The following ADAMTSL1 variants were observed in gnomAD, a reference collection of about 807,000 sequenced individuals.
ADAMTSL1 encodes the protein ADAMTS like 1, also known as ADAMTS-like protein 1.
Under a neutral mutation model 201.8 loss-of-function variants are expected in ADAMTSL1, and 126 were observed. The ratio of observed to expected loss-of-function variants is 0.62; its 90% confidence interval spans 0.54 to 0.72. ADAMTSL1 has a LOEUF of 0.72. ADAMTSL1 is among the 30% of genes least tolerant of loss of function. The pLI is 0.00. For missense variants in ADAMTSL1, 2,679 were observed against 2,277.8 expected (o/e 1.18, Z -3.59); for synonymous variants, 1,121 against 903.4 (o/e 1.24, Z -4.32).
chr9:18,149,107 AGAGTAGC>A (rs1826788261), intron 1 of ADAMTSL1, among the ~76,000 whole-genome samples: 1 of 152,068 alleles, frequency 6.6e-6, no homozygotes, highest in South Asian at 2.1e-4. Flanking sequence ...CAAACTTTGG[AGAGTAGC>A]TCCTCTGAGC....
intron 8 of ADAMTSL1, among the ~76,000 whole-genome samples, chr9:18,660,850 G>A (rs908869005): frequency 5.9e-5 from 9 of 151,830 alleles, no homozygotes; most frequent in African/African-American, 1.7e-4. Context: ...ATTTCTGTGG[G>A]TGGTCTGAGA....
chr9:18,405,637 A>G (rs1818161107), intron 2 of ADAMTSL1, among the ~76,000 whole-genome samples: 1 of 129,214 alleles, frequency 7.7e-6, no homozygotes, highest in East Asian at 2.0e-4. Context: ...AGAAGAATGA[A>G]AAAAAAAAAA....
chr9:18,112,665 G>A (rs555015482), intron 1 of ADAMTSL1, among the ~76,000 whole-genome samples: 1 of 152,178 alleles, frequency 6.6e-6, no homozygotes, highest in East Asian at 1.9e-4. Flanking sequence ...ACAGAAGTGT[G>A]CATACATAGT....
intron 1 of ADAMTSL1, among the ~76,000 whole-genome samples, chr9:18,015,159 A>C (rs2131566868): frequency 6.6e-6 from 1 of 152,052 alleles, no homozygotes; most frequent in East Asian, 1.9e-4. Flanking sequence ...ACTGGGAGAA[A>C]GGAAGCAGCA....
intron 4 of ADAMTSL1, among the ~76,000 whole-genome samples, chr9:18,615,523 G>A (rs1317967903): frequency 6.6e-6 from 1 of 152,084 alleles, no homozygotes; most frequent in African/African-American, 2.4e-5. Context: ...ATATTGTATA[G>A]TATGCCTTTT....
intron 20 of ADAMTSL1, 105 bp downstream of exon 20, chr9:18,795,629 T>A: frequency 1.6e-6 from 2 of 1,244,040 alleles, no homozygotes; most frequent in Admixed American, 2.7e-5. Context: ...GAGACCCAGA[T>A]CCCATCTTCA....
At chr9:18,848,121 T>G (rs770869025) in intron 23 of ADAMTSL1, among the ~76,000 whole-genome samples, 1 of 152,180 alleles carries the variant, frequency 6.6e-6, no homozygotes, top group Non-Finnish European at 1.5e-5. Context: ...TCTGTCTGCC[T>G]GGCCCTGAGC....
At chr9:18,234,323 T>C (rs549000256) in intron 2 of ADAMTSL1, among the ~76,000 whole-genome samples, 2 of 152,286 alleles carry the variant, frequency 1.3e-5, no homozygotes, top group Admixed American at 6.5e-5. Flanking sequence ...TTTTGAAATA[T>C]CTGGGAGAAA....
chr9:18,236,366 G>A (rs766272031), intron 2 of ADAMTSL1, among the ~76,000 whole-genome samples: 15 of 152,176 alleles, frequency 9.9e-5, no homozygotes, highest in African/African-American at 3.4e-4. Flanking sequence ...GAGCCACCAC[G>A]CATGGCCTGT....
chr9:18,232,017 G>C (rs1414364474), intron 2 of ADAMTSL1, among the ~76,000 whole-genome samples: 2 of 152,160 alleles, frequency 1.3e-5, no homozygotes, highest in African/African-American at 2.4e-5. Context: ...GAGTGTAACA[G>C]AGAGATGTCA....
chr9:18,006,731 T>C (rs1456944989), intron 1 of ADAMTSL1, among the ~76,000 whole-genome samples: 1 of 152,018 alleles, frequency 6.6e-6, no homozygotes, highest in Non-Finnish European at 1.5e-5. Context: ...TGTGTTCTAA[T>C]GACCAGAAGC....
intron 20 of ADAMTSL1, among the ~76,000 whole-genome samples, chr9:18,797,003 G>A (rs920841671): frequency 1.3e-5 from 2 of 152,264 alleles, no homozygotes; most frequent in African/African-American, 2.4e-5. Flanking sequence ...AATTTAATAC[G>A]ATTAATAGAA....
At position 18,695,772 on chromosome 9, in the gene ADAMTSL1, A is replaced by G. The variant is rs142343055; in HGVS notation, c.1574+10972A>G. The stretch of plus-strand genomic sequence containing the variant: ...TACCCAGTTCCAAAGTCATTTCCAC[A>G]TTTTCAGCTATCTTTATAGCAATGC... On this transcript the variant is annotated intron_variant, in intron 13 of 28. Coordinates refer to ENST00000380548, the MANE Select transcript of ADAMTSL1 (RefSeq NM_001040272.6). Among the ~76,000 whole-genome samples, 510 of 152,170 alleles carry G rather than the reference A, an allele frequency of 3.4e-3. 1 individual carries two copies. Among genetic ancestry groups the G allele is most frequent in the Non-Finnish European group, 5.3e-3 (360 of 68,002 alleles).
At chr9:18,425,771 G>A (rs1819186106) in intron 2 of ADAMTSL1, among the ~76,000 whole-genome samples, 2 of 148,278 alleles carry the variant, frequency 1.3e-5, no homozygotes, top group African/African-American at 5.1e-5. Flanking sequence ...TGGGAGAAGA[G>A]CTTGAGCCCA....
At chr9:18,662,099 G>A (rs1829132065) in intron 9 of ADAMTSL1, 26 bp downstream of exon 9, 2 of 1,601,856 alleles carry the variant, frequency 1.2e-6, no homozygotes, top group Admixed American at 1.8e-5. Context: ...TAGTTCATTT[G>A]TCATAAACAT....
chr9:18,896,829 C>T (rs1474764042), intron 26 of ADAMTSL1, among the ~76,000 whole-genome samples: 1 of 152,160 alleles, frequency 6.6e-6, no homozygotes, highest in Non-Finnish European at 1.5e-5. Flanking sequence ...CACACAGAGA[C>T]CCAGGAGTCT....
intron 2 of ADAMTSL1, among the ~76,000 whole-genome samples, chr9:18,394,322 A>T (rs1814837440): frequency 1.3e-5 from 2 of 152,220 alleles, no homozygotes; most frequent in African/African-American, 4.8e-5. Context: ...TAGATGCCTA[A>T]TTCCAATAAC....
Position 18,909,730 on chromosome 9 carries a change from G to A in ADAMTSL1, c.*1182G>A, listed in dbSNP as rs927993406. On this transcript the variant is annotated 3_prime_UTR_variant, in exon 29 of 29. Transcript: ENST00000380548. ...GGCCCAGGGACCGGGGTGGGACAAT[G>A]GGTTTATGCGTGTCCACAGTACACC... The A allele has an allele frequency of 4.6e-5, 7 of 152,224 alleles. No individual in the cohort carries two copies. Among genetic ancestry groups the A allele is most frequent in the African/African-American group, 1.4e-4 (6 of 41,424 alleles). 9.4% of individuals were successfully genotyped at this position (152,224 alleles called of 1,614,324 possible).
At chr9:17,950,885 G>A (rs780767020) in intron 1 of ADAMTSL1, among the ~76,000 whole-genome samples, 3 of 152,018 alleles carry the variant, frequency 2.0e-5, no homozygotes, top group Admixed American at 6.6e-5. Context: ...TAAATGCAAT[G>A]TCCCAGGCAA....
Sources: gnomAD v4.1 joint callset for allele counts (sites outside exome capture counted in the v4.1 genomes callset) on GRCh38, gnomAD v4.1.1 for gene constraint, MANE v1.5 for transcripts, NCBI Gene and HGNC (gene_info 2026-07-23, HGNC 2026-07-21) for gene names.